Variants in RAD51B observed in about 807,000 individuals in gnomAD.
The protein encoded by RAD51B is RAD51 paralog B, also known as DNA repair protein RAD51 homolog 2.
A neutral mutation model predicts 42.2 loss-of-function variants in RAD51B; 38 were observed. The observed-to-expected ratio is 0.90, with a 90% CI of 0.70 to 1.18. RAD51B has a LOEUF of 1.18. RAD51B is among the 50% of genes most tolerant of loss of function. The probability of loss-of-function intolerance (pLI) is 0.00; values close to 1 mark genes in which losing one functional copy is unlikely to be tolerated. For synonymous variants in RAD51B, 154 were observed against 145.2 expected, an observed-to-expected ratio of 1.06 and a Z score of -0.43; for missense variants, 373 against 400.7, an observed-to-expected ratio of 0.93 and a Z score of 0.59.
At chr14:68,552,352 C>G (rs975307895) in intron 10 of RAD51B, among the ~76,000 whole-genome samples, 14 of 152,154 alleles carry the variant, frequency 9.2e-5, no homozygotes, top group African/African-American at 3.4e-4. Flanking sequence ...GGGTGTGTAG[C>G]AACACTGGCC....
At chr14:68,100,750 G>T (rs2077274834) in intron 7 of RAD51B, among the ~76,000 whole-genome samples, 1 of 151,992 alleles carries the variant, frequency 6.6e-6, no homozygotes, top group African/African-American at 2.4e-5. Flanking sequence ...AGAGATCATT[G>T]CCCTCTTCCC....
At chr14:68,165,780 T>G (rs750361628) in intron 7 of RAD51B, among the ~76,000 whole-genome samples, 3 of 152,206 alleles carry the variant, frequency 2.0e-5, no homozygotes, top group Non-Finnish European at 4.4e-5. Context: ...CTCTCTTTAC[T>G]ACAATATATT....
chr14:68,420,044 A>G (rs2084660318), intron 9 of RAD51B, among the ~76,000 whole-genome samples: 1 of 152,166 alleles, frequency 6.6e-6, no homozygotes, highest in African/African-American at 2.4e-5. Context: ...ATTTCCATCA[A>G]TTCCTCCAAT....
chr14:68,513,383 T>G (rs1346368305), intron 10 of RAD51B, among the ~76,000 whole-genome samples: 1 of 152,108 alleles, frequency 6.6e-6, no homozygotes, highest in African/African-American at 2.4e-5. Flanking sequence ...AAAAAGGAAA[T>G]GCTGCAGTTT....
intron 7 of RAD51B, among the ~76,000 whole-genome samples, chr14:68,244,314 A>G (rs2080450522): frequency 6.6e-6 from 1 of 152,198 alleles, no homozygotes; most frequent in Non-Finnish European, 1.5e-5. Flanking sequence ...TTTTTCCTGT[A>G]TTTGGGAGTG....
intron 8 of RAD51B, among the ~76,000 whole-genome samples, chr14:68,403,979 G>A (rs576309554): frequency 6.4e-4 from 97 of 152,156 alleles, no homozygotes; most frequent in Non-Finnish European, 1.2e-3. Flanking sequence ...AGCAATCACA[G>A]AAAGAGAACA....
At chr14:68,244,367 C>T (rs1224303820) in intron 7 of RAD51B, among the ~76,000 whole-genome samples, 2 of 152,154 alleles carry the variant, frequency 1.3e-5, no homozygotes, top group African/African-American at 2.4e-5. Flanking sequence ...AAAGCATTGG[C>T]AGACAAACAA....
chr14:68,513,457 G>A (rs1220001406), intron 10 of RAD51B, among the ~76,000 whole-genome samples: 1 of 152,236 alleles, frequency 6.6e-6, no homozygotes, highest in Non-Finnish European at 1.5e-5. Context: ...GGTGGGCTCT[G>A]GGAAGTTACT....
intron 7 of RAD51B, among the ~76,000 whole-genome samples, chr14:68,116,493 T>A (rs2077550903): frequency 6.6e-6 from 1 of 152,134 alleles, no homozygotes; most frequent in Non-Finnish European, 1.5e-5. Context: ...CAAATCTTGC[T>A]CAGATATAAA....
rs61571260 is a variant in RAD51B at position 68,592,277 on chromosome 14, GTGTGTGTGTA to G, written c.1037-2196_1037-2187del. Among the ~76,000 whole-genome samples the G allele has an allele frequency of 2.4e-3, 371 of 151,962 alleles. 1 individual carries two copies. Among genetic ancestry groups the G allele is most frequent in the Middle Eastern group, 0.01 (3 of 294 alleles). On this transcript the variant is annotated intron_variant, in intron 10 of 10. Coordinates refer to the RAD51B transcript ENST00000487270. ...GATGTGTGTGTGTGTGTGTGTGTGT[GTGTGTGTGTA>G]TGTGTGTGTATCAAAGAGAGGAGTC...
intron 7 of RAD51B, among the ~76,000 whole-genome samples, chr14:67,990,030 G>T (rs959525200): frequency 8.0e-6 from 1 of 125,780 alleles, no homozygotes; most frequent in South Asian, 2.4e-4. Flanking sequence ...GCAGAGTCTC[G>T]TTCTGTCACC....
intron 7 of RAD51B, among the ~76,000 whole-genome samples, chr14:68,185,501 T>C (rs771283148): frequency 1.3e-5 from 2 of 152,184 alleles, no homozygotes; most frequent in Non-Finnish European, 1.5e-5. Context: ...ATTAAAATAA[T>C]TATTTTAAAG....
chr14:68,072,388 A>C (rs1163201268), intron 7 of RAD51B, among the ~76,000 whole-genome samples: 2 of 151,844 alleles, frequency 1.3e-5, no homozygotes, highest in Non-Finnish European at 2.9e-5. Flanking sequence ...CCAAGTCCCA[A>C]AACTGAAGAA....
intron 7 of RAD51B, among the ~76,000 whole-genome samples, chr14:68,087,928 AATTATATAATTTATT>A (rs2077017300): frequency 8.6e-6 from 1 of 116,496 alleles, no homozygotes; most frequent in South Asian, 2.3e-4. Context: ...TATTATATAT[AATTATATAATTTATT>A]ATTATATATA....
chr14:68,562,975 C>T (rs1343394054), intron 10 of RAD51B: 1 of 985,312 alleles, frequency 1.0e-6, no homozygotes, highest in African/African-American at 1.7e-5. Flanking sequence ...CCACGGAAGG[C>T]CCGGGCTGCT....
intron 7 of RAD51B, among the ~76,000 whole-genome samples, chr14:68,129,714 C>T (rs2140670381): frequency 6.6e-6 from 1 of 152,334 alleles, no homozygotes; most frequent in African/African-American, 2.4e-5. Flanking sequence ...CCTGTGCCTA[C>T]AAGCAGAGTG....
intron 10 of RAD51B, among the ~76,000 whole-genome samples, chr14:68,525,987 T>C (rs906095432): frequency 1.3e-5 from 2 of 152,214 alleles, no homozygotes; most frequent in Non-Finnish European, 2.9e-5. Flanking sequence ...GGTTAAGAAA[T>C]TGGAATTCCT....
intron 7 of RAD51B, among the ~76,000 whole-genome samples, chr14:68,270,235 C>T (rs1300490446): frequency 6.6e-6 from 1 of 152,074 alleles, no homozygotes; most frequent in Non-Finnish European, 1.5e-5. Flanking sequence ...CAGATATGGC[C>T]AATAAAATTT....
intron 7 of RAD51B, among the ~76,000 whole-genome samples, chr14:67,912,045 C>T (rs914107175): frequency 6.6e-6 from 1 of 152,130 alleles, no homozygotes. Flanking sequence ...AATTTATTTT[C>T]TTCTACTCTT....
Sources: gnomAD v4.1 joint callset for allele counts (sites outside exome capture counted in the v4.1 genomes callset) on GRCh38, gnomAD v4.1.1 for gene constraint, MANE v1.5 for transcripts, NCBI Gene and HGNC (gene_info 2026-07-23, HGNC 2026-07-21) for gene names.